VPS53: variants seen among roughly 807,000 people sequenced by gnomAD.
The protein encoded by VPS53 is vacuolar protein sorting-associated protein 53 homolog.
A neutral mutation model predicts 107.0 loss-of-function variants in VPS53; 70 were observed. That is an observed-to-expected ratio of 0.65 (90% confidence interval 0.54 to 0.80). The LOEUF is 0.80. Ranked by LOEUF, VPS53 falls within the 30% of genes least tolerant of loss-of-function variation. The probability of loss-of-function intolerance (pLI) is 0.00; values close to 1 mark genes in which losing one functional copy is unlikely to be tolerated. For missense variants in VPS53, 917 were observed against 1,049.4 expected (o/e 0.87, Z 1.74); for synonymous variants, 409 against 393.3 (o/e 1.04, Z -0.47).
At chr17:626,757 T>C (rs1385202236) in intron 10 of VPS53, among the ~76,000 whole-genome samples, 1 of 152,208 alleles carries the variant, frequency 6.6e-6, no homozygotes, top group African/African-American at 2.4e-5. Flanking sequence ...TTCCTCTGTG[T>C]CTGCTATATC....
intron 15 of VPS53, among the ~76,000 whole-genome samples, chr17:557,315 C>T (rs1221615205): frequency 1.3e-5 from 2 of 152,212 alleles, no homozygotes; most frequent in African/African-American, 4.8e-5. Context: ...ATCTCTCTCT[C>T]CTTTCTAAGG....
At chr17:543,198 A>G (rs1433344626) in intron 17 of VPS53, among the ~76,000 whole-genome samples, 2 of 152,110 alleles carry the variant, frequency 1.3e-5, no homozygotes, top group African/African-American at 4.8e-5. Context: ...TCAACGTAGA[A>G]GTGAACTTGA....
At chr17:546,094 C>T (rs1232365327) in intron 17 of VPS53, among the ~76,000 whole-genome samples, 2 of 152,100 alleles carry the variant, frequency 1.3e-5, no homozygotes, top group Non-Finnish European at 2.9e-5. Context: ...TCAAGATCAT[C>T]CAATGTGAAA....
At position 510,808 on chromosome 17, in the gene VPS53, C is replaced by G. The variant is rs1432406543; in HGVS notation, c.*8320G>C. ...AGGGCCCAGGGCTACCCCAACTGAC[C>G]TCCACTCCCCTCAGCACCCTCCTCT... is the stretch of plus-strand genomic sequence containing the variant. On this transcript the variant is annotated 3_prime_UTR_variant, in exon 22 of 22. Transcript: ENST00000437048. The G allele has an allele frequency of 6.5e-6, 1 of 152,810 alleles. No individual in the cohort carries two copies. Among genetic ancestry groups the G allele is most frequent in the Non-Finnish European group, 1.5e-5 (1 of 68,520 alleles). 9.5% of individuals were successfully genotyped at this position (152,810 alleles called of 1,614,324 possible).
chr17:602,322 T>C (rs1168150139), intron 11 of VPS53, among the ~76,000 whole-genome samples: 1 of 152,262 alleles, frequency 6.6e-6, no homozygotes, highest in Non-Finnish European at 1.5e-5. Flanking sequence ...AGATTGTGTC[T>C]GTCTTGTTCC....
At chr17:627,020 G>T (rs1327477887) in intron 10 of VPS53, among the ~76,000 whole-genome samples, 154 bp downstream of exon 10, 1 of 152,084 alleles carries the variant, frequency 6.6e-6, no homozygotes, top group Non-Finnish European at 1.5e-5. Context: ...GGAGCAGCTG[G>T]TGGGGCCACT....
intron 6 of VPS53, among the ~76,000 whole-genome samples, chr17:654,024 T>C (rs1971073912): frequency 6.6e-6 from 1 of 151,964 alleles, no homozygotes. Flanking sequence ...TGAAACACCG[T>C]CTCTACTAAA....
chr17:512,620 G>A lies in VPS53; in HGVS notation c.*6508C>T, dbSNP rs1331048565. 6.6e-6 allele frequency: 1 copy of A among 152,202 alleles called. No homozygotes were observed. The highest frequency in any genetic ancestry group is 1.5e-5 in the Non-Finnish European group (1 of 68,032). The allele number at this position is 152,202 out of a possible 1,614,324, so 9.4% of individuals were successfully genotyped here. ...GATCCCTTGGCTTCCCTAGTAAAGT[G>A]GGGAGCTGTTGAAAAGAAAGAATGG... is the stretch of plus-strand genomic sequence containing the variant. On this transcript the variant is annotated 3_prime_UTR_variant, in exon 22 of 22. Coordinates refer to ENST00000437048, the MANE Select transcript of VPS53 (RefSeq NM_001128159.3).
chr17:701,816 T>C (rs1973213404), intron 2 of VPS53, among the ~76,000 whole-genome samples: 2 of 152,198 alleles, frequency 1.3e-5, no homozygotes, highest in Non-Finnish European at 2.9e-5. Context: ...AACCTCAAAC[T>C]CCTGGGCTCA....
chr17:636,799 T>A (rs1970215034), intron 7 of VPS53, among the ~76,000 whole-genome samples: 3 of 152,230 alleles, frequency 2.0e-5, no homozygotes, highest in Admixed American at 6.5e-5. Context: ...CTTTTTGATG[T>A]GCTGCTGGAT....
chr17:562,114 C>T (rs1913055328), intron 14 of VPS53, among the ~76,000 whole-genome samples: 1 of 152,174 alleles, frequency 6.6e-6, no homozygotes, highest in Non-Finnish European at 1.5e-5. Context: ...CCCATCACTC[C>T]GGGGCATCAT....
rs1044761583 is a variant in VPS53, at chr17:519,517, G to A, written c.2329-219C>T. On this transcript the variant is annotated intron_variant, in intron 21 of 21. Coordinates refer to ENST00000437048, the MANE Select transcript of VPS53 (RefSeq NM_001128159.3). This position sits in a 1 kb window ranked among gnomAD's most constrained non-coding sequence, Gnocchi z 5.0. ...AAAAGGTAAAGGAAGGGAAAGAAGC[G>A]GCTGACAGAGGAGAAAGGACAGGTC... Among the ~76,000 whole-genome samples, 5 of 152,280 alleles carry A rather than the reference G, an allele frequency of 3.3e-5. No individual in the cohort carries two copies. Among genetic ancestry groups the A allele is most frequent in the African/African-American group, 7.2e-5 (3 of 41,556 alleles).
At chr17:613,605 C>T (rs1400952560) in intron 11 of VPS53, among the ~76,000 whole-genome samples, 2 of 147,008 alleles carry the variant, frequency 1.4e-5, no homozygotes, top group Admixed American at 6.8e-5. Context: ...AAAACCTGTA[C>T]AAATATTCAC....
At chr17:668,056 G>T (rs1971770956) in intron 4 of VPS53, among the ~76,000 whole-genome samples, 1 of 152,192 alleles carries the variant, frequency 6.6e-6, no homozygotes, top group Non-Finnish European at 1.5e-5. Flanking sequence ...TGCCAAAAAG[G>T]TTGGGGACCA....
intron 13 of VPS53, among the ~76,000 whole-genome samples, chr17:565,793 C>G (rs973555342): frequency 1.3e-5 from 2 of 152,212 alleles, no homozygotes; most frequent in African/African-American, 4.8e-5. Context: ...CACCACCTGT[C>G]CACTCCCCTT....
At position 520,533 on chromosome 17, in the gene VPS53, A is replaced by AACAT. The variant is rs1908652920; in HGVS notation, c.2224-607_2224-604dup. Among the ~76,000 whole-genome samples, 1 of 152,198 alleles carries AACAT rather than the reference A, an allele frequency of 6.6e-6. No individual in the cohort carries two copies. The highest frequency in any genetic ancestry group is 1.9e-4 in the East Asian group (1 of 5,202). On this transcript the variant is annotated intron_variant, in intron 20 of 21. Transcript: ENST00000437048. This position sits in a 1 kb window ranked among gnomAD's most constrained non-coding sequence, Gnocchi z 4.4. The stretch of plus-strand genomic sequence containing the variant: ...TAACGACTAACTTAAACTATCAATT[A>AACAT]ACATACAAACAAAGGAAAGGAACGG...
intron 3 of VPS53, among the ~76,000 whole-genome samples, chr17:699,027 C>T (rs1415783196): frequency 6.6e-6 from 1 of 151,780 alleles, no homozygotes; most frequent in Non-Finnish European, 1.5e-5. Context: ...ATTTGCCAGG[C>T]GTGGTGGCTC....
chr17:654,998 G>A (rs1971128618), intron 6 of VPS53, among the ~76,000 whole-genome samples: 2 of 152,148 alleles, frequency 1.3e-5, no homozygotes. Context: ...AATACCTAGA[G>A]AGGTCAGGAA....
chr17:561,294 C>T (rs1019658265), intron 14 of VPS53, among the ~76,000 whole-genome samples: 2 of 152,222 alleles, frequency 1.3e-5, no homozygotes, highest in Non-Finnish European at 2.9e-5. Context: ...ATGGTAGTAA[C>T]CACTACCCAC....
Sources: gnomAD v4.1 joint callset for allele counts (sites outside exome capture counted in the v4.1 genomes callset) on GRCh38, gnomAD v4.1.1 for gene constraint, Gnocchi (gnomAD v3.1) non-coding constraint, MANE v1.5 for transcripts, NCBI Gene and HGNC (gene_info 2026-07-23, HGNC 2026-07-21) for gene names.